The following L3MBTL4 variants were observed in gnomAD, a reference collection of about 807,000 sequenced individuals.
The protein encoded by L3MBTL4 is lethal(3)malignant brain tumor-like protein 4.
L3MBTL4 carries 70 observed loss-of-function variants against 84.5 expected under a neutral mutation model. That is an observed-to-expected ratio of 0.83 (90% confidence interval 0.68 to 1.01). The LOEUF (loss-of-function observed/expected upper bound fraction) is 1.01, where lower values mean the gene tolerates loss of function less well. Ranked by LOEUF, L3MBTL4 falls within the 50% of genes least tolerant of loss-of-function variation. L3MBTL4 has a pLI of 0.00. For synonymous variants in L3MBTL4, 274 were observed against 259.8 expected (o/e 1.05, Z -0.52); for missense variants, 715 against 754.8 (o/e 0.95, Z 0.62).
chr18:6,318,747 C>A (rs1360990177), intron 1 of L3MBTL4, among the ~76,000 whole-genome samples: 1 of 151,818 alleles, frequency 6.6e-6, no homozygotes, highest in Non-Finnish European at 1.5e-5. Flanking sequence ...AACAAGGAAG[C>A]AATGAAATTA....
intron 1 of L3MBTL4, among the ~76,000 whole-genome samples, chr18:6,391,476 T>C (rs1470225844): frequency 6.6e-6 from 1 of 152,034 alleles, no homozygotes; most frequent in Admixed American, 6.6e-5. Flanking sequence ...ATAGTAACAC[T>C]AGTCATAGCA....
chr18:6,011,155 A>T (rs1439722626), intron 16 of L3MBTL4, among the ~76,000 whole-genome samples: 1 of 152,226 alleles, frequency 6.6e-6, no homozygotes, highest in Non-Finnish European at 1.5e-5. Flanking sequence ...AGGGACCAAA[A>T]GCACATCACC....
intron 13 of L3MBTL4, among the ~76,000 whole-genome samples, chr18:6,163,712 G>A (rs572739472): frequency 1.5e-4 from 23 of 152,256 alleles, no homozygotes; most frequent in African/African-American, 5.3e-4. Flanking sequence ...AAGCCAAGAT[G>A]GCCAAATAGG....
intron 16 of L3MBTL4, among the ~76,000 whole-genome samples, chr18:6,005,972 G>T (rs1405451007): frequency 6.6e-6 from 1 of 151,312 alleles, no homozygotes; most frequent in Non-Finnish European, 1.5e-5. Flanking sequence ...ATAAGCATTT[G>T]AAATGGTAAA....
At chr18:6,152,241 A>T (rs1435129488) in intron 13 of L3MBTL4, among the ~76,000 whole-genome samples, 1 of 152,302 alleles carries the variant, frequency 6.6e-6, no homozygotes, top group Non-Finnish European at 1.5e-5. Context: ...ATTTGGATAC[A>T]TACCCAAAAG....
intron 4 of L3MBTL4, among the ~76,000 whole-genome samples, chr18:6,281,090 C>T (rs924907644): frequency 6.6e-6 from 1 of 152,118 alleles, no homozygotes; most frequent in East Asian, 1.9e-4. Context: ...ATTTAGTAAA[C>T]TGTTCAAACT....
intron 1 of L3MBTL4, among the ~76,000 whole-genome samples, chr18:6,391,605 C>T (rs76046098): frequency 0.01 from 1,563 of 152,128 alleles, 25 homozygotes; most frequent in African/African-American, 0.035. Flanking sequence ...TCCAAAGGCT[C>T]CTAGATTTGA....
chr18:6,106,006 G>C (rs1393752756), intron 14 of L3MBTL4, among the ~76,000 whole-genome samples: 11 of 152,108 alleles, frequency 7.2e-5, no homozygotes, highest in Admixed American at 6.5e-4. Context: ...CCTGAATTAA[G>C]TTTCCTTTAT....
intron 14 of L3MBTL4, among the ~76,000 whole-genome samples, chr18:6,119,128 A>G (rs912988365): frequency 1.3e-5 from 2 of 151,602 alleles, no homozygotes; most frequent in Non-Finnish European, 2.9e-5. Flanking sequence ...GTTATTAACA[A>G]TTACAATCAT....
chr18:6,167,371 CA>C (rs1290188365), intron 13 of L3MBTL4, among the ~76,000 whole-genome samples: 1 of 151,930 alleles, frequency 6.6e-6, no homozygotes, highest in East Asian at 1.9e-4. Flanking sequence ...AGAGACACGA[CA>C]AAAAAATAGA....
chr18:6,165,009 A>G (rs1253280925), intron 13 of L3MBTL4, among the ~76,000 whole-genome samples: 2 of 152,232 alleles, frequency 1.3e-5, no homozygotes, highest in African/African-American at 4.8e-5. Flanking sequence ...GCTGAAAACC[A>G]TGGCACAAGA....
intron 16 of L3MBTL4, among the ~76,000 whole-genome samples, chr18:6,012,466 C>T (rs2054781141): frequency 6.6e-6 from 1 of 152,106 alleles, no homozygotes; most frequent in Admixed American, 6.5e-5. Context: ...CAGAAATCAA[C>T]AGGATTAACC....
intron 13 of L3MBTL4, among the ~76,000 whole-genome samples, chr18:6,164,086 G>A (rs1183123114): frequency 6.6e-6 from 1 of 152,212 alleles, no homozygotes; most frequent in Non-Finnish European, 1.5e-5. Flanking sequence ...CTCATTGCTA[G>A]CACAGCAGTC....
chr18:6,324,414 A>G (rs966025331), intron 1 of L3MBTL4, among the ~76,000 whole-genome samples: 31 of 152,218 alleles, frequency 2.0e-4, no homozygotes, highest in African/African-American at 7.2e-4. Context: ...AGCTGCAGGC[A>G]CTCAGTGCCA....
At chr18:6,037,821 TA>T (rs1386516156) in intron 16 of L3MBTL4, among the ~76,000 whole-genome samples, 3 of 152,212 alleles carry the variant, frequency 2.0e-5, no homozygotes. Context: ...TTTGAAATCA[TA>T]TAGGAGAGGC....
At chr18:6,283,556 G>C (rs1275661161) in intron 4 of L3MBTL4, among the ~76,000 whole-genome samples, 2 of 151,996 alleles carry the variant, frequency 1.3e-5, no homozygotes, top group Admixed American at 6.5e-5. Flanking sequence ...AACCTCCTAA[G>C]CAAAATATGA....
intron 16 of L3MBTL4, among the ~76,000 whole-genome samples, chr18:6,055,984 C>T (rs1037056603): frequency 1.3e-5 from 2 of 152,056 alleles, no homozygotes; most frequent in Non-Finnish European, 2.9e-5. Context: ...AAGGCGATGA[C>T]CTCAGAGTTG....
intron 1 of L3MBTL4, among the ~76,000 whole-genome samples, chr18:6,318,494 TAAAAAAAAAAAAAAAA>T (rs71370550): frequency 2.1e-4 from 3 of 14,200 alleles, no homozygotes; most frequent in African/African-American, 4.7e-4. Context: ...ACAACAATAG[TAAAAAAAAAAAAAAAA>T]AAAAAAAAAA....
chr18:6,005,682 G>A (rs995427710), intron 16 of L3MBTL4, among the ~76,000 whole-genome samples: 4 of 151,928 alleles, frequency 2.6e-5, no homozygotes, highest in African/African-American at 4.8e-5. Flanking sequence ...TTTTTTTTAC[G>A]GCCATGTAGT....
Sources: allele counts gnomAD v4.1 joint callset (sites outside exome capture counted in the v4.1 genomes callset), GRCh38; gene constraint gnomAD v4.1.1; transcripts MANE v1.5; gene names NCBI Gene and HGNC (gene_info 2026-07-23, HGNC 2026-07-21).